KCNB2: variants seen among roughly 807,000 people sequenced by gnomAD.
KCNB2 encodes potassium voltage-gated channel subfamily B member 2.
In KCNB2, 15 loss-of-function variants were observed where a neutral mutation model predicts 61.5. The ratio of observed to expected loss-of-function variants is 0.24; its 90% CI spans 0.16 to 0.38. The LOEUF (loss-of-function observed/expected upper bound fraction) is 0.38. Ranked by LOEUF, KCNB2 falls within the 10% of genes least tolerant of loss-of-function variation. The pLI is 1.00. For missense variants in KCNB2, 828 were observed against 1,125.2 expected (o/e 0.74, Z 3.78); for synonymous variants, 457 against 446.0 (o/e 1.02, Z -0.31).
intron 2 of KCNB2, among the ~76,000 whole-genome samples, chr8:72,782,209 C>A (rs538797442): frequency 1.3e-5 from 2 of 152,268 alleles, no homozygotes; most frequent in Non-Finnish European, 2.9e-5. Flanking sequence ...TATACTTACT[C>A]CCAAGATGTC....
At chr8:72,893,323 A>C (rs910267538) in intron 2 of KCNB2, among the ~76,000 whole-genome samples, 1 of 152,170 alleles carries the variant, frequency 6.6e-6, no homozygotes, top group Non-Finnish European at 1.5e-5. Context: ...TGGGGCAAAA[A>C]CTATATTTTT....
At chr8:72,778,181 C>T (rs539876417) in intron 2 of KCNB2, among the ~76,000 whole-genome samples, 1 of 152,268 alleles carries the variant, frequency 6.6e-6, no homozygotes, top group Non-Finnish European at 1.5e-5. Context: ...AATACTCTCT[C>T]CTTTCCAGCC....
intron 2 of KCNB2, among the ~76,000 whole-genome samples, chr8:72,824,638 T>C (rs1040592386): frequency 1.3e-5 from 2 of 152,172 alleles, no homozygotes; most frequent in South Asian, 4.1e-4. Flanking sequence ...GCAATTTTAA[T>C]GTAATGAAAC....
At chr8:72,602,999 G>A (rs1297220311) in intron 2 of KCNB2, among the ~76,000 whole-genome samples, 2 of 150,608 alleles carry the variant, frequency 1.3e-5, no homozygotes, top group Non-Finnish European at 2.9e-5. Context: ...CAAACCTAAT[G>A]TACACTTCAT....
At chr8:72,913,108 T>C (rs1049693452) in intron 2 of KCNB2, among the ~76,000 whole-genome samples, 1 of 152,148 alleles carries the variant, frequency 6.6e-6, no homozygotes, top group African/African-American at 2.4e-5. Flanking sequence ...CTAAAGTGAA[T>C]ATAAGTAAAA....
intron 1 of KCNB2, among the ~76,000 whole-genome samples, chr8:72,548,384 T>C (rs2128977069): frequency 6.6e-6 from 1 of 152,320 alleles, no homozygotes; most frequent in Non-Finnish European, 1.5e-5. Flanking sequence ...GAAGAAGTCC[T>C]GTTGGATATT....
At chr8:72,573,608 C>T (rs1164359332) in intron 2 of KCNB2, among the ~76,000 whole-genome samples, 2 of 151,724 alleles carry the variant, frequency 1.3e-5, no homozygotes, top group Non-Finnish European at 2.9e-5. Flanking sequence ...ATTGAGGCCC[C>T]TCTGTGTACC....
chr8:72,794,967 T>C (rs1434495715), intron 2 of KCNB2, among the ~76,000 whole-genome samples: 1 of 152,088 alleles, frequency 6.6e-6, no homozygotes, highest in Non-Finnish European at 1.5e-5. Context: ...CATTTTAGGG[T>C]TTAGGAAATA....
rs73686505 is a variant in KCNB2 at position 72,766,824 on chromosome 8, G to A, written c.580-169111G>A. Among the ~76,000 whole-genome samples the A allele has an allele frequency of 2.0e-3, 307 of 152,268 alleles. 1 individual carries two copies. Among genetic ancestry groups the A allele is most frequent in the African/African-American group, 7.0e-3 (289 of 41,548 alleles). ...ATTATTCCTTCATTGTCTGAGACAT[G>A]TATTAGTCCATTTTCATGCCATTGA... is the stretch of plus-strand genomic sequence containing the variant. On this transcript the variant is annotated intron_variant, in intron 2 of 2. Coordinates refer to ENST00000523207, the MANE Select transcript of KCNB2 (RefSeq NM_004770.3).
intron 2 of KCNB2, among the ~76,000 whole-genome samples, chr8:72,915,463 T>A (rs993143133): frequency 2.6e-5 from 4 of 151,770 alleles, no homozygotes; most frequent in African/African-American, 9.7e-5. Context: ...GGGGAAAAAA[T>A]TTGTAAAGGA....
rs187240808 is a variant in KCNB2, at chr8:72,932,102, G to A, written c.580-3833G>A. Among the ~76,000 whole-genome samples, 271 of 152,212 alleles carry A rather than the reference G, an allele frequency of 1.8e-3. 2 individuals are homozygous for A. The highest frequency in any genetic ancestry group is 6.2e-3 in the African/African-American group (257 of 41,522). On this transcript the variant is annotated intron_variant, in intron 2 of 2. Transcript: ENST00000523207. Reference sequence around the variant, plus strand: ...AGTAAAGCAATACCTAAGTGTTCCCGGACCAAACCAAGGGTGAGGCTGCTT... The same window carrying A: ...AGTAAAGCAATACCTAAGTGTTCCCAGACCAAACCAAGGGTGAGGCTGCTT...
chr8:72,893,686 T>C (rs1805938403), intron 2 of KCNB2, among the ~76,000 whole-genome samples: 1 of 152,220 alleles, frequency 6.6e-6, no homozygotes, highest in South Asian at 2.1e-4. Flanking sequence ...GAGGCTTAGA[T>C]AGTATCTATA....
chr8:72,568,815 G>A (rs1046543306), intron 2 of KCNB2, among the ~76,000 whole-genome samples: 11 of 152,144 alleles, frequency 7.2e-5, no homozygotes, highest in Non-Finnish European at 1.2e-4. Context: ...ACATGAGGAA[G>A]GGACTGTTTT....
chr8:72,861,091 C>A (rs1432025054), intron 2 of KCNB2, among the ~76,000 whole-genome samples: 2 of 152,150 alleles, frequency 1.3e-5, no homozygotes, highest in African/African-American at 4.8e-5. Context: ...CCGGAAGTTT[C>A]TTTTCTGTGT....
rs371091158 is a variant in KCNB2, at chr8:72,628,344, C to T, written c.579+60031C>T. ...TAGGAATGTGTGTGTATGTGTGTGACTTTATTGCAGAACTGACTTTATTGT... is the reference window on the plus strand; with the variant it reads ...TAGGAATGTGTGTGTATGTGTGTGATTTTATTGCAGAACTGACTTTATTGT... On this transcript the variant is annotated intron_variant, in intron 2 of 2. Coordinates refer to ENST00000523207, the MANE Select transcript of KCNB2 (RefSeq NM_004770.3). Among the ~76,000 whole-genome samples, 161 of 150,390 alleles carry T rather than the reference C, an allele frequency of 1.1e-3. 1 individual carries two copies. The highest frequency in any genetic ancestry group is 3.8e-3 in the African/African-American group (154 of 40,838).
At chr8:72,768,297 C>G (rs1481852601) in intron 2 of KCNB2, among the ~76,000 whole-genome samples, 3 of 152,070 alleles carry the variant, frequency 2.0e-5, no homozygotes, top group African/African-American at 7.2e-5. Context: ...CCTCACCCTC[C>G]TGAGTAGCTG....
At chr8:72,634,547 C>T (rs937034113) in intron 2 of KCNB2, among the ~76,000 whole-genome samples, 1 of 152,122 alleles carries the variant, frequency 6.6e-6, no homozygotes, top group African/African-American at 2.4e-5. Flanking sequence ...TTCACACCAA[C>T]TATTGTATCT....
At chr8:72,599,769 A>C (rs1247144090) in intron 2 of KCNB2, among the ~76,000 whole-genome samples, 2 of 152,192 alleles carry the variant, frequency 1.3e-5, no homozygotes, top group African/African-American at 4.8e-5. Flanking sequence ...AAACAACCCC[A>C]TCAAAAAGTG....
intron 2 of KCNB2, among the ~76,000 whole-genome samples, chr8:72,613,994 C>T (rs752027021): frequency 2.0e-5 from 3 of 152,130 alleles, no homozygotes; most frequent in Admixed American, 1.3e-4. Flanking sequence ...TAAATGTGGA[C>T]GATCTAAATT....
Sources: allele counts gnomAD v4.1 joint callset (sites outside exome capture counted in the v4.1 genomes callset), GRCh38; gene constraint gnomAD v4.1.1; transcripts MANE v1.5; gene names NCBI Gene and HGNC (gene_info 2026-07-23, HGNC 2026-07-21).